The following LINGO2 variants were observed in gnomAD, a reference collection of about 807,000 sequenced individuals.
LINGO2 encodes the protein leucine-rich repeat and immunoglobulin-like domain-containing nogo receptor-interacting protein 2.
In LINGO2, 14 loss-of-function variants were observed where a neutral mutation model predicts 30.6. That is an observed-to-expected ratio of 0.46 (90% CI 0.30 to 0.72). LINGO2 has a LOEUF of 0.72. Among genes scored for constraint, LINGO2 ranks in the 30% least tolerant of loss-of-function variants. LINGO2 has a pLI of 0.07. For missense variants in LINGO2, 729 were observed against 751.7 expected (o/e 0.97, Z 0.35); for synonymous variants, 317 against 288.5 (o/e 1.10, Z -1.00).
intron 4 of LINGO2, among the ~76,000 whole-genome samples, chr9:28,079,471 C>CT (rs997437295): frequency 6.6e-6 from 1 of 152,158 alleles, no homozygotes; most frequent in African/African-American, 2.4e-5. Context: ...TGCTCTTTAC[C>CT]TTTATAAAAC....
At chr9:28,713,347 G>C in the LINGO2 span, among the ~76,000 whole-genome samples, 5 of 152,066 alleles carry the variant, frequency 3.3e-5, no homozygotes, top group African/African-American at 1.2e-4. Flanking sequence ...TGGCTTGTAT[G>C]AGAGAGACTC....
At chr9:28,893,750 T>G in the LINGO2 span, among the ~76,000 whole-genome samples, 3 of 152,154 alleles carry the variant, frequency 2.0e-5, no homozygotes, top group East Asian at 5.8e-4. Context: ...ATGGTTTGAT[T>G]TTTTTTAATT....
chr9:28,058,756 T>C (rs1199483493), intron 4 of LINGO2, among the ~76,000 whole-genome samples: 1 of 152,064 alleles, frequency 6.6e-6, no homozygotes, highest in Non-Finnish European at 1.5e-5. Flanking sequence ...TATTGCACTA[T>C]GGACTTAAGT....
chr9:28,918,175 G>A, the LINGO2 span, among the ~76,000 whole-genome samples: 25 of 152,254 alleles, frequency 1.6e-4, no homozygotes, highest in Middle Eastern at 6.8e-3. Flanking sequence ...CAGAATCATG[G>A]CAGGAGGTGA....
intron 4 of LINGO2, among the ~76,000 whole-genome samples, chr9:28,271,749 T>C (rs1191658279): frequency 6.6e-6 from 1 of 152,100 alleles, no homozygotes; most frequent in African/African-American, 2.4e-5. Context: ...CCTTAAGTAT[T>C]TGAGGGAATT....
chr9:29,071,106 ATAAT>A, the LINGO2 span, among the ~76,000 whole-genome samples: 2 of 150,674 alleles, frequency 1.3e-5, no homozygotes, highest in Non-Finnish European at 1.5e-5. Flanking sequence ...TGATGAATAT[ATAAT>A]TAAATATGTA....
the LINGO2 span, among the ~76,000 whole-genome samples, chr9:28,779,249 A>G: frequency 6.6e-6 from 1 of 152,140 alleles, no homozygotes; most frequent in Non-Finnish European, 1.5e-5. Context: ...TTATTGACTA[A>G]TATACATTTC....
At chr9:27,941,385 C>T in the LINGO2 span, 1 of 152,088 alleles carries the variant, frequency 6.6e-6, no homozygotes, top group Non-Finnish European at 1.5e-5. Context: ...TGCAGTGAGC[C>T]GAGATTGTGC....
chr9:29,005,874 T>A, the LINGO2 span, among the ~76,000 whole-genome samples: 845 of 152,136 alleles, frequency 5.6e-3, 11 homozygotes, highest in African/African-American at 0.019. Flanking sequence ...ATTGTATTAT[T>A]GTTATTATTG....
chr9:28,563,343 T>C (rs10118366), intron 1 of LINGO2, among the ~76,000 whole-genome samples: 14,850 of 152,128 alleles, frequency 0.098, 956 homozygotes, highest in East Asian at 0.25. Context: ...GAATTCTCAA[T>C]TGTAACGACA....
intron 4 of LINGO2, among the ~76,000 whole-genome samples, chr9:28,068,266 C>A (rs891709763): frequency 3.3e-5 from 5 of 152,088 alleles, no homozygotes; most frequent in African/African-American, 1.2e-4. Context: ...AGTCCAAGGC[C>A]AAAGTGCTTT....
the LINGO2 span, chr9:27,941,530 T>C: frequency 6.6e-6 from 1 of 152,188 alleles, no homozygotes; most frequent in African/African-American, 2.4e-5. Flanking sequence ...TGGAGATGAA[T>C]CCCGGACTTT....
intron 4 of LINGO2, among the ~76,000 whole-genome samples, chr9:28,190,126 G>C (rs1260514911): frequency 6.6e-6 from 1 of 152,110 alleles, no homozygotes; most frequent in Non-Finnish European, 1.5e-5. Flanking sequence ...ACATTTTCAA[G>C]TTTCCTTAGC....
At chr9:28,307,497 G>A (rs1344448693) in intron 3 of LINGO2, among the ~76,000 whole-genome samples, 5 of 152,140 alleles carry the variant, frequency 3.3e-5, no homozygotes, top group Admixed American at 6.5e-5. Context: ...AAAACTGGAA[G>A]CATTCCCTTT....
the LINGO2 span, among the ~76,000 whole-genome samples, chr9:28,971,470 T>C: frequency 6.6e-6 from 1 of 152,278 alleles, no homozygotes; most frequent in African/African-American, 2.4e-5. Context: ...TGAGAGCCCT[T>C]GGGCCTTAAG....
At chr9:28,978,710 C>T in the LINGO2 span, among the ~76,000 whole-genome samples, 2 of 151,928 alleles carry the variant, frequency 1.3e-5, no homozygotes, top group African/African-American at 4.8e-5. Context: ...AGCTTTTCTG[C>T]TTTAATCAAT....
the LINGO2 span, among the ~76,000 whole-genome samples, chr9:29,213,137 C>T: frequency 1.3e-5 from 2 of 152,266 alleles, no homozygotes; most frequent in Non-Finnish European, 2.9e-5. Flanking sequence ...GACCACCTTC[C>T]CGGCACCCGG....
intron 1 of LINGO2, among the ~76,000 whole-genome samples, chr9:28,574,391 T>C (rs1034078029): frequency 2.0e-5 from 3 of 152,314 alleles, no homozygotes; most frequent in East Asian, 3.9e-4. Context: ...GCCATTTGTT[T>C]CCATACAGTC....
At chr9:28,131,953 G>A (rs1007715714) in intron 4 of LINGO2, among the ~76,000 whole-genome samples, 5 of 152,086 alleles carry the variant, frequency 3.3e-5, no homozygotes, top group Non-Finnish European at 7.4e-5. Flanking sequence ...ATAGATTTGG[G>A]GGATCAAGGC....
Sources: allele counts gnomAD v4.1 joint callset (sites outside exome capture counted in the v4.1 genomes callset), GRCh38; gene constraint gnomAD v4.1.1; transcripts MANE v1.5; gene names NCBI Gene and HGNC (gene_info 2026-07-23, HGNC 2026-07-21).